The following DTNB variants were observed in gnomAD, a reference collection of about 807,000 sequenced individuals.
The protein encoded by DTNB is dystrobrevin beta.
Under a neutral mutation model 90.7 loss-of-function variants are expected in DTNB, and 63 were observed. The ratio of observed to expected loss-of-function variants is 0.69; its 90% confidence interval spans 0.57 to 0.86. The LOEUF is 0.86. Among genes scored for constraint, DTNB ranks in the 40% least tolerant of loss-of-function variants. The pLI is 0.00. For synonymous variants in DTNB, 277 were observed against 286.7 expected, an observed-to-expected ratio of 0.97 and a Z score of 0.34; for missense variants, 744 against 807.1, an observed-to-expected ratio of 0.92 and a Z score of 0.95.
At chr2:25,485,168 A>T (rs140018677) in intron 9 of DTNB, among the ~76,000 whole-genome samples, 12 of 152,116 alleles carry the variant, frequency 7.9e-5, no homozygotes, top group East Asian at 5.8e-4. Context: ...CTATATATAT[A>T]TTTTTTAATT....
At chr2:25,442,651 T>G (rs2057687171) in intron 12 of DTNB, among the ~76,000 whole-genome samples, 2 of 152,194 alleles carry the variant, frequency 1.3e-5, no homozygotes, top group African/African-American at 4.8e-5. Context: ...AAACATTGGT[T>G]ATGTAAGTAA....
At chr2:25,656,343 C>T (rs1052351855) in intron 1 of DTNB, among the ~76,000 whole-genome samples, 1 of 152,184 alleles carries the variant, frequency 6.6e-6, no homozygotes, top group African/African-American at 2.4e-5. Context: ...ATGCTTTTAA[C>T]AGTTCCATAC....
intron 4 of DTNB, among the ~76,000 whole-genome samples, chr2:25,613,890 G>A (rs1372948770): frequency 1.3e-5 from 2 of 152,126 alleles, no homozygotes; most frequent in African/African-American, 4.8e-5. Flanking sequence ...CCCAGGAAGT[G>A]GAGGTTGCAG....
intron 10 of DTNB, among the ~76,000 whole-genome samples, chr2:25,469,112 T>G (rs920970319): frequency 6.6e-6 from 1 of 152,152 alleles, no homozygotes; most frequent in Non-Finnish European, 1.5e-5. Flanking sequence ...AATCAAGTAT[T>G]TATAAGGGTA....
rs1010559589 is a variant in DTNB, at chr2:25,531,347, A to T, written c.1001+126T>A. The stretch of plus-strand genomic sequence containing the variant: ...AGAAAGCTTGAAGTCTTAAGTTCCC[A>T]CAAAAGAAAGTAAAAACCTGAGAAG... On this transcript the variant is annotated intron_variant, in intron 9 of 20. Coordinates refer to ENST00000406818, the MANE Select transcript of DTNB (RefSeq NM_021907.5). 10 of 1,437,288 alleles carry T rather than the reference A, an allele frequency of 7.0e-6. No individual in the cohort carries two copies. In the African/African-American group the frequency reaches 1.3e-4, roughly 19 times the overall value. The allele number at this position is 1,437,288 out of a possible 1,614,324, so 89.0% of individuals were successfully genotyped here.
chr2:25,380,278 G>A lies in DTNB; in HGVS notation c.1880-955C>T, dbSNP rs77885552. Reference sequence around the variant, plus strand: ...TTACGGTTGACAGTTACAGATCTCTGGTGTCCAGGTGACTGCAGTTAGTCC... The same window carrying A: ...TTACGGTTGACAGTTACAGATCTCTAGTGTCCAGGTGACTGCAGTTAGTCC... On this transcript the variant is annotated intron_variant, in intron 19 of 20. Transcript: ENST00000406818. Among the ~76,000 whole-genome samples the A allele has an allele frequency of 4.3e-4, 65 of 152,272 alleles. No homozygotes were observed. The East Asian group carries it at 0.011, about 27-fold the overall frequency.
chr2:25,419,691 C>A (rs779101091), intron 15 of DTNB, among the ~76,000 whole-genome samples, 156 bp from the exon 16 acceptor site: 1 of 152,158 alleles, frequency 6.6e-6, no homozygotes, highest in Non-Finnish European at 1.5e-5. Context: ...CCCCATCCCC[C>A]ACAGGAGCAT....
intron 12 of DTNB, among the ~76,000 whole-genome samples, chr2:25,448,531 T>C (rs1008473620): frequency 1.3e-5 from 2 of 152,238 alleles, no homozygotes; most frequent in African/African-American, 2.4e-5. Flanking sequence ...GGTTCCTTTT[T>C]GTTTTAATTG....
chr2:25,396,676 A>G (rs1018759596), intron 16 of DTNB, among the ~76,000 whole-genome samples: 27 of 150,990 alleles, frequency 1.8e-4, no homozygotes, highest in African/African-American at 5.1e-4. Context: ...CATGTAACCA[A>G]ATCTGCCCCT....
intron 1 of DTNB, among the ~76,000 whole-genome samples, chr2:25,662,680 A>AC (rs1553662195): frequency 0.33 from 42,982 of 128,584 alleles, 6,957 homozygotes; most frequent in Middle Eastern, 0.44. Context: ...ACACACACAC[A>AC]AACACACACA....
intron 4 of DTNB, among the ~76,000 whole-genome samples, chr2:25,609,667 C>CGT (rs1559220469): frequency 5.8e-5 from 3 of 52,086 alleles, no homozygotes; most frequent in African/African-American, 1.6e-4. Context: ...TACACACACA[C>CGT]ACACACACAC....
At chr2:25,512,121 C>T (rs1558826071) in intron 9 of DTNB, among the ~76,000 whole-genome samples, 1 of 152,188 alleles carries the variant, frequency 6.6e-6, no homozygotes, top group African/African-American at 2.4e-5. Flanking sequence ...GGCCACTTTA[C>T]ACCAAAGGAG....
At chr2:25,592,818 C>T (rs895358906) in intron 6 of DTNB, among the ~76,000 whole-genome samples, 2 of 152,172 alleles carry the variant, frequency 1.3e-5, no homozygotes, top group Admixed American at 1.3e-4. Flanking sequence ...ATCTACATGG[C>T]TTTGTAAATA....
chr2:25,417,866 G>C (rs2048354683), intron 16 of DTNB, among the ~76,000 whole-genome samples: 1 of 152,124 alleles, frequency 6.6e-6, no homozygotes, highest in Non-Finnish European at 1.5e-5. Flanking sequence ...CTTGGGGGAG[G>C]TATTTCCAAC....
intron 1 of DTNB, among the ~76,000 whole-genome samples, chr2:25,657,336 G>A (rs563913022): frequency 6.6e-6 from 1 of 152,080 alleles, no homozygotes; most frequent in African/African-American, 2.4e-5. Flanking sequence ...CCCCACAAAA[G>A]ATACTATTAA....
intron 14 of DTNB, among the ~76,000 whole-genome samples, chr2:25,430,861 G>A (rs114701976): frequency 0.01 from 1,559 of 152,164 alleles, 15 homozygotes; most frequent in Non-Finnish European, 0.016. Context: ...ACACACATTC[G>A]TCATACATTT....
intron 10 of DTNB, among the ~76,000 whole-genome samples, chr2:25,470,369 ATTTTTTT>A (rs71397496): frequency 1.5e-5 from 2 of 132,780 alleles, no homozygotes; most frequent in Non-Finnish European, 3.2e-5. Flanking sequence ...TTACACGACA[ATTTTTTT>A]TTTTTTTTTT....
At chr2:25,523,183 G>C (rs969012602) in intron 9 of DTNB, among the ~76,000 whole-genome samples, 2 of 152,014 alleles carry the variant, frequency 1.3e-5, no homozygotes, top group African/African-American at 4.8e-5. Flanking sequence ...TATAAAACTG[G>C]CTTCTTCACT....
chr2:25,457,829 T>C (rs909492230), intron 10 of DTNB, among the ~76,000 whole-genome samples: 6 of 152,204 alleles, frequency 3.9e-5, no homozygotes, highest in Middle Eastern at 6.8e-3. Context: ...CTGTGCATGA[T>C]GTTAATTATT....
Sources: gnomAD v4.1 joint callset for allele counts (sites outside exome capture counted in the v4.1 genomes callset) on GRCh38, gnomAD v4.1.1 for gene constraint, MANE v1.5 for transcripts, NCBI Gene and HGNC (gene_info 2026-07-23, HGNC 2026-07-21) for gene names.